ARHGAP15: variants seen among roughly 807,000 people sequenced by gnomAD.
ARHGAP15 encodes rho GTPase-activating protein 15.
Under a neutral mutation model 63.7 loss-of-function variants are expected in ARHGAP15, and 51 were observed. That is an observed-to-expected ratio of 0.80 (90% CI 0.64 to 1.01). The LOEUF is 1.01. ARHGAP15 is among the 50% of genes least tolerant of loss of function. ARHGAP15 has a pLI of 0.00. For synonymous variants in ARHGAP15, 191 were observed against 193.8 expected (o/e 0.99, Z 0.12); for missense variants, 560 against 564.6 (o/e 0.99, Z 0.08).
In ARHGAP15 at chr2:143,373,629, C is replaced by CAAA. The variant is rs58153000; in HGVS notation, c.475-61943_475-61941dup. On this transcript the variant is annotated intron_variant, in intron 6 of 13. Transcript: ENST00000295095. Reference sequence around the variant, plus strand: ...TGGGTGAGAGAGCCAGACTCTATCTCAAAAAAAAAAAAAAAAAAAAAAAAA... The same window carrying CAAA: ...TGGGTGAGAGAGCCAGACTCTATCTCAAAAAAAAAAAAAAAAAAAAAAAAAAAA... Among the ~76,000 whole-genome samples, 440 of 62,914 alleles carry CAAA rather than the reference C, an allele frequency of 7.0e-3. 6 individuals carry two copies. Among genetic ancestry groups the CAAA allele is most frequent in the Non-Finnish European group, 0.01 (337 of 32,320 alleles). 41.3% of individuals were successfully genotyped at this position (62,914 alleles called of 152,430 possible). A position where few individuals can be genotyped will look rare whatever the true frequency, so the allele number is the denominator to read the frequency against.
At chr2:143,747,044 T>G (rs963270716) in intron 13 of ARHGAP15, among the ~76,000 whole-genome samples, 1 of 151,976 alleles carries the variant, frequency 6.6e-6, no homozygotes, top group Non-Finnish European at 1.5e-5. Context: ...GATTTAGGTT[T>G]AAAAAACTGA....
chr2:143,708,696 A>C (rs537794497), intron 13 of ARHGAP15, among the ~76,000 whole-genome samples: 9 of 152,070 alleles, frequency 5.9e-5, no homozygotes, highest in Middle Eastern at 3.4e-3. Context: ...GGGCAGGCAT[A>C]AGGAAATTGG....
chr2:143,192,213 T>A (rs749590225), intron 2 of ARHGAP15, among the ~76,000 whole-genome samples: 19 of 152,342 alleles, frequency 1.2e-4, no homozygotes, highest in South Asian at 1.0e-3. Flanking sequence ...CTAATTTGAT[T>A]CTGGAGCCAA....
intron 6 of ARHGAP15, among the ~76,000 whole-genome samples, chr2:143,259,891 T>G (rs1182281245): frequency 6.6e-6 from 1 of 152,214 alleles, no homozygotes; most frequent in East Asian, 1.9e-4. Flanking sequence ...TAAATAAGTA[T>G]ATACCCAAAT....
intron 12 of ARHGAP15, among the ~76,000 whole-genome samples, chr2:143,633,170 T>C (rs1680138564): frequency 6.6e-6 from 1 of 152,172 alleles, no homozygotes; most frequent in South Asian, 2.1e-4. Flanking sequence ...GTATTTTTGT[T>C]GTGGTTGCTT....
At chr2:143,440,843 G>C (rs1400862017) in intron 8 of ARHGAP15, among the ~76,000 whole-genome samples, 2 of 152,144 alleles carry the variant, frequency 1.3e-5, no homozygotes, top group African/African-American at 4.8e-5. Flanking sequence ...GTTATGGAAA[G>C]TGGAGAGTCA....
At chr2:143,218,124 T>C (rs185829725) in intron 4 of ARHGAP15, among the ~76,000 whole-genome samples, 1 of 152,168 alleles carries the variant, frequency 6.6e-6, no homozygotes. Context: ...TATACTATTG[T>C]GTTTTTGTTT....
intron 12 of ARHGAP15, among the ~76,000 whole-genome samples, chr2:143,627,861 C>A (rs1039712842): frequency 6.6e-6 from 1 of 151,970 alleles, no homozygotes; most frequent in Non-Finnish European, 1.5e-5. Context: ...TAAGAAGGTA[C>A]ATGTGTAGGT....
At chr2:143,133,860 C>T (rs891684898) in intron 1 of ARHGAP15, among the ~76,000 whole-genome samples, 2 of 152,044 alleles carry the variant, frequency 1.3e-5, no homozygotes, top group African/African-American at 4.8e-5. Flanking sequence ...ATATGCACAT[C>T]TATGTGTGTA....
chr2:143,236,158 T>C, intron 5 of ARHGAP15: 1 of 605,978 alleles, frequency 1.7e-6, no homozygotes, highest in East Asian at 3.2e-5. Flanking sequence ...TGTTTTTACA[T>C]TAGGGGCAAC....
At chr2:143,236,701 A>C (rs1370993963) in intron 5 of ARHGAP15, 1 of 152,200 alleles carries the variant, frequency 6.6e-6, no homozygotes, top group East Asian at 1.9e-4. Context: ...TAGGATTTTG[A>C]TGTAAAAGGG....
intron 13 of ARHGAP15, among the ~76,000 whole-genome samples, chr2:143,760,629 T>C (rs989117777): frequency 6.6e-6 from 1 of 152,164 alleles, no homozygotes; most frequent in African/African-American, 2.4e-5. Context: ...ATCTTCTGCA[T>C]TGAAATTCAT....
chr2:143,391,117 TG>T (rs1687520899), intron 6 of ARHGAP15, among the ~76,000 whole-genome samples: 1 of 152,192 alleles, frequency 6.6e-6, no homozygotes, highest in African/African-American at 2.4e-5. Flanking sequence ...CCCCTGTGAC[TG>T]TGGGCTCCCT....
intron 2 of ARHGAP15, among the ~76,000 whole-genome samples, chr2:143,168,874 T>C (rs926194932): frequency 1.3e-5 from 2 of 152,016 alleles, no homozygotes; most frequent in African/African-American, 4.8e-5. Context: ...ACATGTAACA[T>C]CCATTAAGAA....
At chr2:143,150,743 T>A (rs892430829) in intron 1 of ARHGAP15, among the ~76,000 whole-genome samples, 1 of 151,912 alleles carries the variant, frequency 6.6e-6, no homozygotes, top group East Asian at 1.9e-4. Context: ...ATGCCTCCTG[T>A]AAGAACATAA....
At chr2:143,320,410 C>CT (rs1285295545) in intron 6 of ARHGAP15, among the ~76,000 whole-genome samples, 1 of 19,022 alleles carries the variant, frequency 5.3e-5, no homozygotes, top group Admixed American at 5.6e-4. Flanking sequence ...ACTTCCCCAC[C>CT]CCCCCCCCCC....
At chr2:143,544,771 G>T (rs912998043) in intron 10 of ARHGAP15, among the ~76,000 whole-genome samples, 2 of 152,154 alleles carry the variant, frequency 1.3e-5, no homozygotes, top group African/African-American at 4.8e-5. Context: ...GAATTGATCT[G>T]TTCTTCCATT....
Position 143,437,041 on chromosome 2 carries a change from A to G in ARHGAP15, c.702A>G (p.Leu234=), listed in dbSNP as rs1370664521. Reference sequence around the variant, plus strand: ...AGAAACCAGAGCACAGAAAATCTTTAAGTGAGTATTTTCTTTGACTTGCTC... The same window carrying G: ...AGAAACCAGAGCACAGAAAATCTTTGAGTGAGTATTTTCTTTGACTTGCTC... ...KEQKPEHRKS[L]MFRLHHSASD... Residue 234 remains leucine, a splice_region_variant and synonymous_variant, in exon 8 of 14, where the codon TTA becomes TTG. Coordinates refer to ENST00000295095, the MANE Select transcript of ARHGAP15 (RefSeq NM_018460.4). The G allele has an allele frequency of 1.3e-6, 2 of 1,593,808 alleles. No homozygotes were observed. The highest frequency in any genetic ancestry group is 1.7e-6 in the Non-Finnish European group (2 of 1,174,602).
intron 6 of ARHGAP15, among the ~76,000 whole-genome samples, chr2:143,384,326 G>A (rs1687177954): frequency 6.6e-6 from 1 of 151,890 alleles, no homozygotes; most frequent in African/African-American, 2.4e-5. Context: ...AACTTTAAAA[G>A]GAGAAAAAGA....
Sources: gnomAD v4.1 joint callset for allele counts (sites outside exome capture counted in the v4.1 genomes callset) on GRCh38, gnomAD v4.1.1 for gene constraint, MANE v1.5 for transcripts, NCBI Gene and HGNC (gene_info 2026-07-23, HGNC 2026-07-21) for gene names.